Variants in DDR2 observed in about 807,000 individuals in gnomAD.
DDR2 encodes discoidin domain receptor tyrosine kinase 2.
DDR2 carries 27 observed loss-of-function variants against 94.9 expected under a neutral mutation model. That is an observed-to-expected ratio of 0.28 (90% CI 0.21 to 0.39). DDR2 has a LOEUF of 0.39. DDR2 is among the 10% of genes least tolerant of loss of function. DDR2 has a pLI of 1.00. For missense variants in DDR2, 783 were observed against 1,076.0 expected (o/e 0.73, Z 3.81); for synonymous variants, 382 against 377.2 (o/e 1.01, Z -0.15).
intron 1 of DDR2, among the ~76,000 whole-genome samples, chr1:162,639,615 G>A (rs1557998648): frequency 6.6e-6 from 1 of 152,212 alleles, no homozygotes; most frequent in Non-Finnish European, 1.5e-5. Context: ...GGCACTATCT[G>A]TGAAAGAAAT....
chr1:162,745,010 T>C (rs1662782768), intron 3 of DDR2, among the ~76,000 whole-genome samples: 1 of 152,232 alleles, frequency 6.6e-6, no homozygotes, highest in Admixed American at 6.5e-5. Flanking sequence ...TGTTATCTTT[T>C]GATTTTGTTG....
chr1:162,651,906 G>A (rs1035206234), intron 1 of DDR2, among the ~76,000 whole-genome samples: 4 of 152,110 alleles, frequency 2.6e-5, no homozygotes, highest in Non-Finnish European at 4.4e-5. Context: ...ATAACTTTGC[G>A]TTAGTAAGAC....
chr1:162,779,194 A>T (rs1647759190), intron 17 of DDR2, among the ~76,000 whole-genome samples: 1 of 152,114 alleles, frequency 6.6e-6, no homozygotes, highest in South Asian at 2.1e-4. Flanking sequence ...TATATCCTAA[A>T]CTTGTTGCTC....
At chr1:162,658,829 A>AATAAATAAATAAATAAATAAATAAAT in intron 2 of DDR2, among the ~76,000 whole-genome samples, 1 of 133,622 alleles carries the variant, frequency 7.5e-6, no homozygotes, top group East Asian at 2.2e-4. Flanking sequence ...CCTGTCTCAA[A>AATAAATAAATAAATAAATAAATAAAT]AAATAAATAA....
chr1:162,729,683 GA>G (rs35368440), intron 3 of DDR2, among the ~76,000 whole-genome samples: 1 of 150,764 alleles, frequency 6.6e-6, no homozygotes. Context: ...GAGGGAGGGG[GA>G]AAAAGGAAGT....
chr1:162,748,284 CAAA>C (rs1662987809), intron 3 of DDR2, among the ~76,000 whole-genome samples: 1 of 151,754 alleles, frequency 6.6e-6, no homozygotes, highest in African/African-American at 2.4e-5. Context: ...CACATAGGCT[CAAA>C]ATAAAGGGAT....
intron 3 of DDR2, among the ~76,000 whole-genome samples, chr1:162,720,601 A>G (rs2102034110): frequency 6.6e-6 from 1 of 151,664 alleles, no homozygotes; most frequent in South Asian, 2.1e-4. Context: ...TATGAACAAA[A>G]CTCCTATAAT....
chr1:162,633,437 T>C (rs564813406), intron 1 of DDR2, among the ~76,000 whole-genome samples: 3 of 152,322 alleles, frequency 2.0e-5, no homozygotes, highest in Non-Finnish European at 4.4e-5. Flanking sequence ...TTGCCGATCA[T>C]TGGCTTCCTA....
At chr1:162,689,322 A>G (rs1659848711) in intron 2 of DDR2, among the ~76,000 whole-genome samples, 1 of 152,148 alleles carries the variant, frequency 6.6e-6, no homozygotes, top group Non-Finnish European at 1.5e-5. Flanking sequence ...CCACAACCCT[A>G]TATGTGGTAA....
intron 2 of DDR2, among the ~76,000 whole-genome samples, chr1:162,685,182 A>G (rs550449277): frequency 2.6e-5 from 4 of 152,304 alleles, no homozygotes; most frequent in Middle Eastern, 3.4e-3. Flanking sequence ...TACAATATCT[A>G]TCTCACAGTA....
intron 3 of DDR2, among the ~76,000 whole-genome samples, chr1:162,731,834 G>A (rs888076787): frequency 1.3e-5 from 2 of 152,156 alleles, no homozygotes; most frequent in African/African-American, 2.4e-5. Context: ...ACTGGTAGTG[G>A]GGTCCCATAA....
At chr1:162,688,122 G>A (rs1659778149) in intron 2 of DDR2, among the ~76,000 whole-genome samples, 1 of 152,216 alleles carries the variant, frequency 6.6e-6, no homozygotes, top group Admixed American at 6.5e-5. Flanking sequence ...GTTCTAAGTG[G>A]CTTCTACCAA....
rs750687379 is a variant in DDR2 at position 162,737,555 on chromosome 1, A to T, written c.83-15540A>T. Among the ~76,000 whole-genome samples the T allele has an allele frequency of 4.2e-3, 552 of 130,132 alleles. 4 individuals carry two copies. Among genetic ancestry groups the T allele is most frequent in the East Asian group, 0.012 (54 of 4,442 alleles). 85.4% of individuals were successfully genotyped at this position (130,132 alleles called of 152,430 possible). ...TGCCACATTTTCTTAATCCAGTCTA[A>T]CATTGTTGGACATTTGGGTTGGTTC... On this transcript the variant is annotated intron_variant, in intron 3 of 17. Coordinates refer to ENST00000367921, the MANE Select transcript of DDR2 (RefSeq NM_006182.4).
intron 7 of DDR2, among the ~76,000 whole-genome samples, chr1:162,756,637 T>C (rs1161671556): frequency 6.6e-6 from 1 of 152,166 alleles, no homozygotes; most frequent in Non-Finnish European, 1.5e-5. Flanking sequence ...AAGGAGATAC[T>C]AGTGAGTCTC....
intron 15 of DDR2, 105 bp from the exon 16 acceptor site, chr1:162,776,031 T>C: frequency 1.5e-6 from 2 of 1,320,542 alleles, no homozygotes; most frequent in Non-Finnish European, 2.2e-6. Flanking sequence ...AGAGAAAGAA[T>C]GTTGAGCTTT....
chr1:162,781,944 T>G lies in DDR2; in HGVS notation c.*1698T>G, dbSNP rs1647926576. The G allele has an allele frequency of 6.6e-6, 1 of 152,286 alleles. No individual in the cohort carries two copies. The allele number at this position is 152,286 out of a possible 1,614,324, so 9.4% of individuals were successfully genotyped here. On this transcript the variant is annotated 3_prime_UTR_variant, in exon 18 of 18. Transcript: ENST00000367921. Reference sequence around the variant, plus strand: ...AACAGTTTCTCAGGAACATGTGTATTTCCCCATTCAGCTTTCAGCATTGCT... The same window carrying G: ...AACAGTTTCTCAGGAACATGTGTATGTCCCCATTCAGCTTTCAGCATTGCT...
intron 1 of DDR2, among the ~76,000 whole-genome samples, chr1:162,653,178 T>A (rs1410328545): frequency 6.6e-6 from 1 of 152,168 alleles, no homozygotes; most frequent in Non-Finnish European, 1.5e-5. Context: ...CAAAGCAAAT[T>A]AGCTTTGTGA....
At chr1:162,761,070 A>C in intron 8 of DDR2, 141 bp from the exon 9 acceptor site, 1 of 1,238,488 alleles carries the variant, frequency 8.1e-7, no homozygotes, top group East Asian at 2.5e-5. Flanking sequence ...CCTAGGAGGA[A>C]GCAGGATGGC....
intron 9 of DDR2, among the ~76,000 whole-genome samples, chr1:162,764,660 C>T (rs1272338571): frequency 1.3e-5 from 2 of 151,806 alleles, no homozygotes. Flanking sequence ...AATCCTGTCT[C>T]TATAAAAAAC....
Sources: gnomAD v4.1 joint callset for allele counts (sites outside exome capture counted in the v4.1 genomes callset) on GRCh38, gnomAD v4.1.1 for gene constraint, MANE v1.5 for transcripts, NCBI Gene and HGNC (gene_info 2026-07-23, HGNC 2026-07-21) for gene names.